SLC26A7: variants seen among roughly 807,000 people sequenced by gnomAD.
SLC26A7 encodes solute carrier family 26 member 7.
A neutral mutation model predicts 82.5 loss-of-function variants in SLC26A7; 59 were observed. The ratio of observed to expected loss-of-function variants is 0.72; its 90% CI spans 0.58 to 0.89. SLC26A7 has a LOEUF of 0.89. SLC26A7 is among the 40% of genes least tolerant of loss of function. The pLI, the probability that SLC26A7 is intolerant of heterozygous loss-of-function variation, is 0.00. For missense variants in SLC26A7, 820 were observed against 793.0 expected (o/e 1.03, Z -0.41); for synonymous variants, 271 against 274.3 (o/e 0.99, Z 0.12).
intron 4 of SLC26A7, among the ~76,000 whole-genome samples, chr8:91,308,014 A>G (rs1167116682): frequency 6.6e-6 from 1 of 151,960 alleles, no homozygotes; most frequent in African/African-American, 2.4e-5. Flanking sequence ...TTATTACCTA[A>G]TGTCCTTTTT....
intron 2 of SLC26A7, among the ~76,000 whole-genome samples, chr8:91,260,220 CCTT>C (rs1383313493): frequency 1.1e-4 from 16 of 152,158 alleles, no homozygotes; most frequent in African/African-American, 3.4e-4. Flanking sequence ...AAAACAAGCA[CCTT>C]CTTCACAAGG....
intron 2 of SLC26A7, among the ~76,000 whole-genome samples, chr8:91,220,216 C>CA (rs1420236563): frequency 6.6e-6 from 1 of 151,756 alleles, no homozygotes; most frequent in African/African-American, 2.4e-5. Flanking sequence ...GCATTTTAAA[C>CA]AAAAATAAAA....
chr8:91,369,143 C>T (rs115032042), intron 14 of SLC26A7, among the ~76,000 whole-genome samples: 4,731 of 152,232 alleles, frequency 0.031, 254 homozygotes, highest in African/African-American at 0.11. Flanking sequence ...CCTTTCTAAT[C>T]TTTGACTCTT....
intron 2 of SLC26A7, among the ~76,000 whole-genome samples, chr8:91,285,541 T>C (rs192363099): frequency 8.5e-5 from 13 of 152,374 alleles, no homozygotes; most frequent in Admixed American, 3.3e-4. Context: ...TACTCAGGGT[T>C]AGGAGTTCAA....
Position 91,395,327 on chromosome 8 carries a change from G to A in SLC26A7, c.*230G>A. 3.5e-6 allele frequency: 4 copies of A among 1,150,032 alleles called. No homozygotes were observed. Among genetic ancestry groups the A allele is most frequent in the Non-Finnish European group, 4.5e-6 (4 of 882,300 alleles). 71.2% of individuals were successfully genotyped at this position (1,150,032 alleles called of 1,614,324 possible). The stretch of plus-strand genomic sequence containing the variant: ...TTATTTTATGTAAAAATCAGTATGT[G>A]TTTAGTTTTAGTGTACTGAAGGGTA... On this transcript the variant is annotated 3_prime_UTR_variant, in exon 19 of 19. Coordinates refer to ENST00000276609, the MANE Select transcript of SLC26A7 (RefSeq NM_052832.4).
In SLC26A7 at chr8:91,375,663, T is replaced by G. The variant is rs544807257; in HGVS notation, c.1675+5830T>G. Reference sequence around the variant, plus strand: ...TTTCTCTAGCTGCCTTTAAGTTGTTTTTTTTTTTTTTCTTCATGTTGGCCT... The same window carrying G: ...TTTCTCTAGCTGCCTTTAAGTTGTTGTTTTTTTTTTTCTTCATGTTGGCCT... On this transcript the variant is annotated intron_variant, in intron 15 of 18. Transcript: ENST00000276609. 2.0e-5 allele frequency among the ~76,000 whole-genome samples: 3 copies of G among 151,410 alleles called. No individual in the cohort carries two copies. In the South Asian group the frequency reaches 6.2e-4, roughly 31 times the overall value.
intron 2 of SLC26A7, among the ~76,000 whole-genome samples, chr8:91,279,857 C>T (rs776646281): frequency 2.0e-5 from 3 of 152,070 alleles, no homozygotes; most frequent in South Asian, 2.1e-4. Context: ...CGCGCCCAGC[C>T]GTGTATTTTT....
intron 1 of SLC26A7, among the ~76,000 whole-genome samples, chr8:91,214,335 T>A (rs983940415): frequency 1.1e-4 from 16 of 152,158 alleles, no homozygotes; most frequent in Non-Finnish European, 1.8e-4. Context: ...ATAATTCAAG[T>A]GAATACGTTT....
chr8:91,342,488 T>A (rs1369615841), intron 8 of SLC26A7, among the ~76,000 whole-genome samples: 1 of 152,164 alleles, frequency 6.6e-6, no homozygotes, highest in Non-Finnish European at 1.5e-5. Context: ...CATGATGTAG[T>A]GATGGATGAG....
At chr8:91,347,725 A>AC (rs1813603156) in intron 9 of SLC26A7, among the ~76,000 whole-genome samples, 1 of 152,172 alleles carries the variant, frequency 6.6e-6, no homozygotes. Context: ...ATCATTTAAC[A>AC]CCAAGTGCCA....
At chr8:91,230,972 G>A (rs1400291089) in intron 2 of SLC26A7, among the ~76,000 whole-genome samples, 2 of 152,202 alleles carry the variant, frequency 1.3e-5, no homozygotes, top group African/African-American at 4.8e-5. Context: ...ATTTTAGAGA[G>A]AGAATCAACT....
chr8:91,366,669 G>A lies in SLC26A7; in HGVS notation c.1578G>A (p.Met526Ile), dbSNP rs144916953. ...AKKFYTDLMN[M>I]IQKENACNQP... ...AATTTTATACTGATTTAATGAACAT[G>A]ATCCAAAAGGAAAATGCCTGTAATC... The change falls in exon 14 of 19, where the codon ATG (methionine) becomes ATA (isoleucine). Residue 526 changes from methionine to isoleucine, a missense_variant. Physicochemically the swap from Met to Ile is conservative, Grantham distance 10. Transcript: ENST00000276609. 27 of 1,613,412 alleles carry A rather than the reference G, an allele frequency of 1.7e-5. No individual in the cohort carries two copies. The African/African-American group carries it at 2.7e-4, about 16-fold the overall frequency.
intron 4 of SLC26A7, among the ~76,000 whole-genome samples, chr8:91,296,771 G>A (rs936118682): frequency 6.6e-6 from 1 of 152,164 alleles, no homozygotes; most frequent in Non-Finnish European, 1.5e-5. Flanking sequence ...TCTATGGCTT[G>A]TATCTGAGCT....
intron 5 of SLC26A7, among the ~76,000 whole-genome samples, chr8:91,331,310 T>C (rs758269596): frequency 4.6e-5 from 7 of 152,158 alleles, no homozygotes; most frequent in Non-Finnish European, 7.3e-5. Flanking sequence ...GGAAGGTCTT[T>C]CCATGTCAAT....
chr8:91,330,191 C>T (rs539772105), intron 5 of SLC26A7, among the ~76,000 whole-genome samples: 2 of 152,154 alleles, frequency 1.3e-5, no homozygotes, highest in East Asian at 3.9e-4. Context: ...TCTGGATAGC[C>T]TGCGTTATGC....
intron 2 of SLC26A7, among the ~76,000 whole-genome samples, chr8:91,238,317 A>G (rs889464442): frequency 2.0e-5 from 3 of 152,156 alleles, no homozygotes; most frequent in East Asian, 1.9e-4. Flanking sequence ...TTCATTATGA[A>G]TAAGTTGATG....
chr8:91,365,741 T>C (rs1231711387), intron 13 of SLC26A7, among the ~76,000 whole-genome samples: 1 of 152,204 alleles, frequency 6.6e-6, no homozygotes, highest in Non-Finnish European at 1.5e-5. Context: ...ACTTAATATT[T>C]TCTTTCTTTC....
At chr8:91,271,640 G>C (rs1355441206) in intron 2 of SLC26A7, among the ~76,000 whole-genome samples, 1 of 149,024 alleles carries the variant, frequency 6.7e-6, no homozygotes, top group African/African-American at 2.5e-5. Context: ...TGTCGCCCAG[G>C]CTGGAATGCA....
At chr8:91,343,497 C>CT (rs759632241) in intron 9 of SLC26A7, 31 bp downstream of exon 9, 7 of 1,499,306 alleles carry the variant, frequency 4.7e-6, no homozygotes. Context: ...GGACAAAGCA[C>CT]TGCTGGGCCT....
Sources: gnomAD v4.1 joint callset for allele counts (sites outside exome capture counted in the v4.1 genomes callset) on GRCh38, gnomAD v4.1.1 for gene constraint, MANE v1.5 for transcripts, NCBI Gene and HGNC (gene_info 2026-07-23, HGNC 2026-07-21) for gene names.